INTS8: variants seen among roughly 807,000 people sequenced by gnomAD.
INTS8 encodes the protein integrator complex subunit 8.
In INTS8, 47 loss-of-function variants were observed where a neutral mutation model predicts 138.9. The ratio of observed to expected loss-of-function variants is 0.34; its 90% confidence interval spans 0.27 to 0.43. The LOEUF is 0.43. INTS8 is among the 20% of genes least tolerant of loss of function. The probability of loss-of-function intolerance (pLI) is 1.00; values close to 1 mark genes in which losing one functional copy is unlikely to be tolerated. For synonymous variants in INTS8, 392 were observed against 400.9 expected, an observed-to-expected ratio of 0.98 and a Z score of 0.27; for missense variants, 996 against 1,173.0, an observed-to-expected ratio of 0.85 and a Z score of 2.20.
chr8:94,852,586 A>G (rs1261988043), intron 13 of INTS8, among the ~76,000 whole-genome samples: 2 of 151,350 alleles, frequency 1.3e-5, no homozygotes, highest in Admixed American at 1.3e-4. Flanking sequence ...CCAGAAATGT[A>G]TGGTTTGTTT....
intron 18 of INTS8, chr8:94,866,899 T>C (rs555784935): frequency 7.0e-6 from 3 of 429,830 alleles, no homozygotes; most frequent in Non-Finnish European, 1.2e-5. Context: ...AGCGTGGAGA[T>C]AGCACCATAA....
chr8:94,866,276 AC>A (rs1307921852), intron 18 of INTS8, 85 bp downstream of exon 18: 1 of 754,620 alleles, frequency 1.3e-6, no homozygotes, highest in East Asian at 2.6e-5. Flanking sequence ...TCAAATACTG[AC>A]TAAATTATTA....
rs964460443 is a variant in INTS8 at position 94,866,185 on chromosome 8, A to C, written c.2289A>C (p.Lys763Asn). The C allele has an allele frequency of 1.5e-6, 2 of 1,332,298 alleles. No homozygotes were observed. Among genetic ancestry groups the C allele is most frequent in the Admixed American group, 3.7e-5 (2 of 53,810 alleles). 82.5% of individuals were successfully genotyped at this position (1,332,298 alleles called of 1,614,324 possible). A position where few individuals can be genotyped will look rare whatever the true frequency, so the allele number is the denominator to read the frequency against. ...GTGAACTGCTTTCTTTTATCAAAAA[A>C]TTACGAGTAAGTTTTATTAAAAATT... ...YRSELLSFIK[K>N]LREPLVLTII... Residue 763 changes from lysine to asparagine, a missense_variant, in exon 18 of 27, where the codon AAA (lysine) becomes AAC (asparagine). By Grantham distance (94) the Lys-to-Asn change is moderately conservative. Transcript: ENST00000523731.
intron 14 of INTS8, among the ~76,000 whole-genome samples, chr8:94,855,549 A>G (rs1815715074): frequency 6.6e-6 from 1 of 152,202 alleles, no homozygotes; most frequent in Non-Finnish European, 1.5e-5. Flanking sequence ...TACACCTAAC[A>G]TAACATTTAC....
intron 16 of INTS8, among the ~76,000 whole-genome samples, chr8:94,860,620 A>G (rs945465683): frequency 1.3e-5 from 2 of 151,278 alleles, no homozygotes; most frequent in Admixed American, 6.6e-5. Context: ...AAAACAAAGT[A>G]AAACATGTAG....
chr8:94,867,428 A>T, intron 20 of INTS8, 91 bp downstream of exon 20: 2 of 862,290 alleles, frequency 2.3e-6, no homozygotes, highest in Non-Finnish European at 3.8e-6. Context: ...TAATTTTATT[A>T]AAGGGCCAGA....
At chr8:94,855,824 G>A (rs1339304502) in intron 14 of INTS8, among the ~76,000 whole-genome samples, 1 of 152,208 alleles carries the variant, frequency 6.6e-6, no homozygotes, top group African/African-American at 2.4e-5. Context: ...TCAGACTTCC[G>A]GTTCGAGAGT....
chr8:94,852,651 C>T (rs1022490423), intron 13 of INTS8, among the ~76,000 whole-genome samples: 3 of 151,468 alleles, frequency 2.0e-5, no homozygotes, highest in South Asian at 2.1e-4. Context: ...TGCAATGGTG[C>T]GATCTTGGCT....
chr8:94,853,893 G>A lies in INTS8; in HGVS notation c.1730G>A (p.Gly577Asp). Residue 577 changes from glycine (G) to aspartate (D), a missense_variant, in exon 14 of 27, where the codon GGT (glycine) becomes GAT (aspartate). Physicochemically the swap from Gly to Asp is moderately conservative, Grantham distance 94 (BLOSUM62 -1). Coordinates refer to ENST00000523731, the MANE Select transcript of INTS8 (RefSeq NM_017864.4). ...TTGGTTTATATTCTTATGGCCAAAG[G>A]TTTGCACTGCAGTACTGTTAAGGTG... ...RDLVYILMAK[G>D]LHCSTVKDFS... is the part of the protein sequence containing the mutation. 6.3e-7 allele frequency: 1 copy of A among 1,598,294 alleles called. No individual in the cohort carries two copies. The highest frequency in any genetic ancestry group is 8.6e-7 in the Non-Finnish European group (1 of 1,165,658).
At chr8:94,827,599 C>T in intron 3 of INTS8, 123 bp from the exon 4 acceptor site, 4 of 1,032,160 alleles carry the variant, frequency 3.9e-6, no homozygotes, top group South Asian at 2.9e-5. Context: ...ATGACTTATG[C>T]AGGATTTACC....
intron 26 of INTS8, among the ~76,000 whole-genome samples, chr8:94,877,972 C>T (rs1470873803): frequency 3.3e-5 from 5 of 151,962 alleles, no homozygotes; most frequent in African/African-American, 1.2e-4. Flanking sequence ...AAGTGGGACC[C>T]TGGAATCCAG....
rs1466076539 is a variant in INTS8 at position 94,862,799 on chromosome 8, G to GA, written c.2077-2700dup. ...AGTTTAGAATGAGGGATTGTGTTTTGAAAAAAATACAATCTGAATCAGTTT... is the reference window on the plus strand; with the variant it reads ...AGTTTAGAATGAGGGATTGTGTTTTGAAAAAAAATACAATCTGAATCAGTTT... On this transcript the variant is annotated intron_variant, in intron 16 of 26. Transcript: ENST00000523731. Among the ~76,000 whole-genome samples, 9 of 151,888 alleles carry GA rather than the reference G, an allele frequency of 5.9e-5. 1 individual carries two copies.
At chr8:94,870,781 A>G (rs1816367565) in intron 20 of INTS8, among the ~76,000 whole-genome samples, 1 of 152,162 alleles carries the variant, frequency 6.6e-6, no homozygotes. Context: ...GTCTAAATTC[A>G]CCTTGTAAAT....
intron 10 of INTS8, among the ~76,000 whole-genome samples, chr8:94,844,581 T>A (rs1042261591): frequency 2.6e-5 from 4 of 152,186 alleles, no homozygotes; most frequent in Non-Finnish European, 5.9e-5. Flanking sequence ...CCTCCCAAAG[T>A]CCTGGGATTA....
intron 14 of INTS8, among the ~76,000 whole-genome samples, chr8:94,855,450 C>T (rs1037734831): frequency 6.6e-6 from 1 of 152,088 alleles, no homozygotes; most frequent in African/African-American, 2.4e-5. Context: ...TATCTAGTGG[C>T]TGCCATATTA....
chr8:94,857,046 A>G, intron 15 of INTS8, 68 bp downstream of exon 15: 1 of 1,224,396 alleles, frequency 8.2e-7, no homozygotes, highest in East Asian at 2.4e-5. Context: ...GAAAATTTAA[A>G]AGCAGATTTA....
chr8:94,850,876 T>C (rs549257026), intron 12 of INTS8, among the ~76,000 whole-genome samples: 18 of 152,288 alleles, frequency 1.2e-4, no homozygotes, highest in Admixed American at 5.2e-4. Flanking sequence ...GAAAATACAA[T>C]GCTGTTTTTA....
chr8:94,876,734 A>G (rs1816578775), intron 26 of INTS8: 1 of 402,172 alleles, frequency 2.5e-6, no homozygotes, highest in African/African-American at 2.1e-5. Context: ...CTCATCTCAT[A>G]CAAAGTTAAA....
At chr8:94,845,611 C>T (rs1479581834) in intron 10 of INTS8, among the ~76,000 whole-genome samples, 8 of 152,146 alleles carry the variant, frequency 5.3e-5, no homozygotes, top group Non-Finnish European at 8.8e-5. Context: ...TACAGGCACG[C>T]GCCACCATGC....
Sources: gnomAD v4.1 joint callset for allele counts (sites outside exome capture counted in the v4.1 genomes callset) on GRCh38, gnomAD v4.1.1 for gene constraint, MANE v1.5 for transcripts, NCBI Gene and HGNC (gene_info 2026-07-23, HGNC 2026-07-21) for gene names.